Variants in MYBPC1 observed in about 807,000 individuals in gnomAD.
The protein encoded by MYBPC1 is myosin binding protein C1.
In MYBPC1, 52 loss-of-function variants were observed where a neutral mutation model predicts 147.1. The observed-to-expected ratio is 0.35, with a 90% CI of 0.28 to 0.45. The LOEUF (loss-of-function observed/expected upper bound fraction) is 0.45. MYBPC1 is among the 20% of genes least tolerant of loss of function. The pLI is 1.00. For missense variants in MYBPC1, 1,228 were observed against 1,440.3 expected, an observed-to-expected ratio of 0.85 and a Z score of 2.39; for synonymous variants, 477 against 475.9, an observed-to-expected ratio of 1.00 and a Z score of -0.03.
In MYBPC1 at chr12:101,663,576, A is replaced by G; in HGVS notation, c.2356+16A>G. The G allele has an allele frequency of 6.2e-7, 1 of 1,613,328 alleles. No homozygotes were observed. Among genetic ancestry groups the G allele is most frequent in the Non-Finnish European group, 8.5e-7 (1 of 1,179,476 alleles). Reference sequence around the variant, plus strand: ...TTTGAAGGAAGTAAGTACAACCAGTAGATAAAATGAATACTGTCATCAATA... The same window carrying G: ...TTTGAAGGAAGTAAGTACAACCAGTGGATAAAATGAATACTGTCATCAATA... On this transcript the variant is annotated intron_variant, in intron 22 of 31. Coordinates refer to ENST00000361466, the MANE Select transcript of MYBPC1 (RefSeq NM_002465.4).
At chr12:101,656,369 G>A (rs1458104825) in intron 18 of MYBPC1, among the ~76,000 whole-genome samples, 2 of 152,242 alleles carry the variant, frequency 1.3e-5, no homozygotes, top group East Asian at 3.9e-4. Context: ...TACTTTAAAT[G>A]TCAATGGTCC....
chr12:101,694,059 C>T, the MYBPC1 span, among the ~76,000 whole-genome samples: 4,483 of 152,312 alleles, frequency 0.029, 226 homozygotes, highest in African/African-American at 0.1. Flanking sequence ...GTCTCTGACA[C>T]CATCGAGCTG....
At chr12:101,665,433 C>T (rs963984787) in intron 22 of MYBPC1, among the ~76,000 whole-genome samples, 1 of 151,854 alleles carries the variant, frequency 6.6e-6, no homozygotes, top group Non-Finnish European at 1.5e-5. Context: ...TAAGAGAATT[C>T]TTTGTTTTGT....
At chr12:101,667,620 T>C in intron 22 of MYBPC1, 112 bp from the exon 23 acceptor site, 1 of 1,233,466 alleles carries the variant, frequency 8.1e-7, no homozygotes, top group South Asian at 1.3e-5. Context: ...TGTCTCTAAA[T>C]GATGTATTAT....
rs559676435 is a variant in MYBPC1 at position 101,633,417 on chromosome 12, G to A, written c.557-1137G>A. ...ACGTTAGGATGAGCTGGCCAGGCAC[G>A]GTGGTTCACGCCTGTAACCCTAGCA... On this transcript the variant is annotated intron_variant, in intron 8 of 31. Transcript: ENST00000361466. Among the ~76,000 whole-genome samples the A allele has an allele frequency of 1.6e-4, 25 of 152,228 alleles. 1 individual carries two copies. The South Asian group carries it at 5.2e-3, about 32-fold the overall frequency.
intron 4 of MYBPC1, 72 bp from the exon 5 acceptor site, chr12:101,627,697 G>T (rs1373321455): frequency 2.0e-6 from 3 of 1,535,596 alleles, no homozygotes; most frequent in Non-Finnish European, 2.7e-6. Flanking sequence ...AATCCAAGAA[G>T]GTTGAAGTCA....
intron 6 of MYBPC1, among the ~76,000 whole-genome samples, chr12:101,629,957 G>A (rs552513528): frequency 2.0e-5 from 3 of 152,064 alleles, no homozygotes; most frequent in Non-Finnish European, 2.9e-5. Context: ...TAGTACGTTC[G>A]CAATGTTGTA....
intron 10 of MYBPC1, among the ~76,000 whole-genome samples, chr12:101,641,255 C>A (rs1186917897): frequency 6.6e-6 from 1 of 152,018 alleles, no homozygotes; most frequent in African/African-American, 2.4e-5. Context: ...GACCAGTTTT[C>A]CAGAAAATCA....
chr12:101,613,885 A>T (rs1037137479), intron 1 of MYBPC1, among the ~76,000 whole-genome samples: 3 of 152,184 alleles, frequency 2.0e-5, no homozygotes, highest in Admixed American at 6.5e-5. Context: ...ACAACAACAA[A>T]GCACTGCAAA....
intron 2 of MYBPC1, 39 bp downstream of exon 2, chr12:101,614,570 A>T (rs1275763783): frequency 1.1e-5 from 17 of 1,607,556 alleles, no homozygotes; most frequent in Non-Finnish European, 1.4e-5. Flanking sequence ...TTGGGCTGCA[A>T]ATACAGAGGG....
chr12:101,688,632 G>A (rs2136981397), downstream of MYBPC1, among the ~76,000 whole-genome samples: 1 of 140,174 alleles, frequency 7.1e-6, no homozygotes, highest in South Asian at 2.3e-4. Flanking sequence ...TATCTGCATG[G>A]CACTGTAATG....
chr12:101,682,415 A>G (rs557302849), intron 29 of MYBPC1, among the ~76,000 whole-genome samples, 189 bp from the exon 30 acceptor site: 1 of 152,310 alleles, frequency 6.6e-6, no homozygotes, highest in Admixed American at 6.5e-5. Flanking sequence ...TCTAGTACAT[A>G]AGTTCGTAAT....
intron 31 of MYBPC1, among the ~76,000 whole-genome samples, chr12:101,684,654 G>A (rs1489193931): frequency 6.6e-6 from 1 of 152,176 alleles, no homozygotes; most frequent in East Asian, 1.9e-4. Flanking sequence ...ATGCAGTAGA[G>A]CATGAATGAA....
At chr12:101,695,131 T>G in the MYBPC1 span, among the ~76,000 whole-genome samples, 1 of 152,200 alleles carries the variant, frequency 6.6e-6, no homozygotes, top group Non-Finnish European at 1.5e-5. Context: ...ACACTTCCAC[T>G]TGGGTACGCC....
At chr12:101,665,105 G>A (rs1897207440) in intron 22 of MYBPC1, among the ~76,000 whole-genome samples, 1 of 152,064 alleles carries the variant, frequency 6.6e-6, no homozygotes, top group African/African-American at 2.4e-5. Context: ...CTGTCATTTT[G>A]ATGTTACCCA....
intron 3 of MYBPC1, among the ~76,000 whole-genome samples, chr12:101,623,054 G>A (rs1261748427): frequency 2.0e-5 from 3 of 151,994 alleles, no homozygotes; most frequent in East Asian, 3.9e-4. Flanking sequence ...ACAGATTGCC[G>A]GCCAGGTGCT....
At chr12:101,654,163 C>T (rs919550520) in intron 18 of MYBPC1, among the ~76,000 whole-genome samples, 6 of 152,136 alleles carry the variant, frequency 3.9e-5, no homozygotes, top group African/African-American at 9.7e-5. Context: ...GCCGAGATCA[C>T]GCCACTGCAC....
At position 101,662,460 on chromosome 12, in the gene MYBPC1, G is replaced by T; in HGVS notation, c.2135G>T (p.Gly712Val). 1 of 1,614,230 alleles carries T rather than the reference G, an allele frequency of 6.2e-7. No individual in the cohort carries two copies. Among genetic ancestry groups the T allele is most frequent in the Non-Finnish European group, 8.5e-7 (1 of 1,180,050 alleles). ...TTTGAGCCCAAGAAGATGATTGAAG[G>T]TGTGGCCTATGAGGTCCGCATCTTT... ...TTFEPKKMIE[G>V]VAYEVRIFAV... is the part of the protein sequence containing the mutation. Residue 712 changes from glycine (G) to valine (V), a missense_variant, in exon 21 of 32, where the codon GGT (glycine) becomes GTT (valine). Physicochemically the swap from Gly to Val is moderately radical, Grantham distance 109 (BLOSUM62 -3). Coordinates refer to ENST00000361466, the MANE Select transcript of MYBPC1 (RefSeq NM_002465.4).
chr12:101,666,373 G>C (rs1389691096), intron 22 of MYBPC1: 2 of 295,652 alleles, frequency 6.8e-6, no homozygotes, highest in Non-Finnish European at 1.3e-5. Flanking sequence ...GTCTCACTGT[G>C]CGCTGCTCCC....
Sources: allele counts gnomAD v4.1 joint callset (sites outside exome capture counted in the v4.1 genomes callset), GRCh38; gene constraint gnomAD v4.1.1; transcripts MANE v1.5; gene names NCBI Gene and HGNC (gene_info 2026-07-23, HGNC 2026-07-21).